AGBL1: variants seen among roughly 807,000 people sequenced by gnomAD.
AGBL1 encodes cytosolic carboxypeptidase 4.
A neutral mutation model predicts 118.9 loss-of-function variants in AGBL1; 130 were observed. That is an observed-to-expected ratio of 1.09 (90% CI 0.95 to 1.26). AGBL1 has a LOEUF of 1.26. AGBL1 is among the 50% of genes most tolerant of loss of function. The pLI is 0.00. For synonymous variants in AGBL1, 555 were observed against 478.9 expected, an observed-to-expected ratio of 1.16 and a Z score of -2.08; for missense variants, 1,584 against 1,298.1, an observed-to-expected ratio of 1.22 and a Z score of -3.38.
In AGBL1 at chr15:86,579,709, T is replaced by C. The variant is rs562712878; in HGVS notation, c.2994+25172T>C. ...GGGATCACAGCTGTCTTTTAACATGTGAATGTTGAATGGGACTTGGGGCAG... is the reference window on the plus strand; with the variant it reads ...GGGATCACAGCTGTCTTTTAACATGCGAATGTTGAATGGGACTTGGGGCAG... On this transcript the variant is annotated intron_variant, in intron 21 of 22. Transcript: ENST00000614907. Among the ~76,000 whole-genome samples, 9 of 152,226 alleles carry C rather than the reference T, an allele frequency of 5.9e-5. No homozygotes were observed. The South Asian group carries it at 1.2e-3, about 21-fold the overall frequency.
rs145274203 is a variant in AGBL1 at position 86,753,335 on chromosome 15, T to G, written c.3158+78899T>G. ...CAAGGAGCTTCATTTTCAGTAAACT[T>G]GCTTAGGGACACACAAGAGTAACCT... is the stretch of plus-strand genomic sequence containing the variant. On this transcript the variant is annotated intron_variant, in intron 22 of 22. Transcript: ENST00000614907. Among the ~76,000 whole-genome samples the G allele has an allele frequency of 6.7e-3, 1,025 of 151,964 alleles. 17 individuals carry two copies. Among genetic ancestry groups the G allele is most frequent in the African/African-American group, 0.024 (977 of 41,462 alleles).
intron 18 of AGBL1, among the ~76,000 whole-genome samples, chr15:86,449,522 CT>C (rs1207514390): frequency 6.6e-6 from 1 of 152,234 alleles, no homozygotes; most frequent in Non-Finnish European, 1.5e-5. Context: ...ACTTAACTAG[CT>C]GTGTGGATTC....
intron 18 of AGBL1, among the ~76,000 whole-genome samples, chr15:86,481,817 T>A (rs2142124619): frequency 6.6e-6 from 1 of 152,286 alleles, no homozygotes; most frequent in East Asian, 1.9e-4. Flanking sequence ...TTCACCCTTC[T>A]GAAATCCCAA....
intron 5 of AGBL1, among the ~76,000 whole-genome samples, chr15:86,178,930 C>A (rs1340592610): frequency 1.3e-5 from 2 of 152,190 alleles, no homozygotes; most frequent in Non-Finnish European, 2.9e-5. Flanking sequence ...CTCCTGGGCT[C>A]TCAATGCAAT....
chr15:86,415,787 T>A (rs1007727323), intron 18 of AGBL1, among the ~76,000 whole-genome samples: 2 of 152,176 alleles, frequency 1.3e-5, no homozygotes. Flanking sequence ...TTAGATTCCA[T>A]TCTTCTGAGA....
intron 22 of AGBL1, among the ~76,000 whole-genome samples, chr15:86,856,314 C>A (rs368024950): frequency 6.6e-6 from 1 of 152,196 alleles, no homozygotes; most frequent in African/African-American, 2.4e-5. Context: ...GTACCCATAA[C>A]AGCACAAATA....
At chr15:86,138,920 C>G (rs573332892) in intron 1 of AGBL1, among the ~76,000 whole-genome samples, 12 of 152,298 alleles carry the variant, frequency 7.9e-5, no homozygotes, top group African/African-American at 2.9e-4. Context: ...TGTGAGCCAT[C>G]TTTGGGTCCA....
intron 17 of AGBL1, among the ~76,000 whole-genome samples, chr15:86,326,900 C>T (rs2080192413): frequency 6.6e-6 from 1 of 151,848 alleles, no homozygotes; most frequent in East Asian, 1.9e-4. Flanking sequence ...TGATGTTATC[C>T]CCCATATCCT....
intron 1 of AGBL1, among the ~76,000 whole-genome samples, chr15:86,123,838 A>T (rs142315089): frequency 7.6e-4 from 116 of 152,318 alleles, no homozygotes; most frequent in African/African-American, 2.7e-3. Context: ...TATTTGGTTC[A>T]GAGTAAATCC....
chr15:86,382,775 T>C (rs2081129634), intron 17 of AGBL1, among the ~76,000 whole-genome samples: 1 of 152,126 alleles, frequency 6.6e-6, no homozygotes, highest in Non-Finnish European at 1.5e-5. Flanking sequence ...TTTTAAAATA[T>C]AATAGCTCTA....
intron 3 of AGBL1, among the ~76,000 whole-genome samples, chr15:86,153,247 A>G (rs2077140240): frequency 6.6e-6 from 1 of 152,216 alleles, no homozygotes; most frequent in Admixed American, 6.5e-5. Context: ...AAAAGCAAAG[A>G]CTTGGAACCA....
chr15:86,855,829 G>T (rs542156406), intron 22 of AGBL1, among the ~76,000 whole-genome samples: 1 of 152,316 alleles, frequency 6.6e-6, no homozygotes, highest in African/African-American at 2.4e-5. Flanking sequence ...CTTTGCCAAG[G>T]ATTCTCTCCT....
intron 5 of AGBL1, among the ~76,000 whole-genome samples, chr15:86,212,077 A>G (rs1838867585): frequency 6.6e-6 from 1 of 152,248 alleles, no homozygotes; most frequent in Non-Finnish European, 1.5e-5. Context: ...GGTTTCTAGA[A>G]GTAGTGTGGA....
chr15:86,483,001 A>G (rs1417499688), intron 18 of AGBL1, among the ~76,000 whole-genome samples: 1 of 151,968 alleles, frequency 6.6e-6, no homozygotes, highest in African/African-American at 2.4e-5. Flanking sequence ...CAGACACTTC[A>G]AGGGAGAAGA....
At chr15:86,763,486 A>G (rs1017137457) in intron 22 of AGBL1, among the ~76,000 whole-genome samples, 14 of 151,978 alleles carry the variant, frequency 9.2e-5, no homozygotes, top group African/African-American at 3.4e-4. Context: ...TGATGGGGAG[A>G]TAGATGATGG....
intron 18 of AGBL1, among the ~76,000 whole-genome samples, chr15:86,441,876 G>A (rs1168951779): frequency 6.6e-6 from 1 of 152,236 alleles, no homozygotes; most frequent in Non-Finnish European, 1.5e-5. Flanking sequence ...CCTCTCAGGT[G>A]CTGGGCTGAG....
intron 18 of AGBL1, among the ~76,000 whole-genome samples, chr15:86,404,109 G>C (rs142063199): frequency 2.6e-5 from 4 of 152,084 alleles, no homozygotes; most frequent in Non-Finnish European, 5.9e-5. Context: ...TAGAGTCTTA[G>C]CCCCATCAGC....
At chr15:86,238,313 G>A (rs1028445300) in intron 6 of AGBL1, among the ~76,000 whole-genome samples, 3 of 152,170 alleles carry the variant, frequency 2.0e-5, no homozygotes, top group Admixed American at 6.6e-5. Flanking sequence ...ATAGTGCCTG[G>A]AACAACTGGT....
At chr15:86,859,503 G>C (rs536680440) in intron 22 of AGBL1, among the ~76,000 whole-genome samples, 4 of 152,196 alleles carry the variant, frequency 2.6e-5, no homozygotes, top group Admixed American at 1.3e-4. Context: ...CTCCCATGAA[G>C]AGTACTGTCC....
Sources: gnomAD v4.1 joint callset for allele counts (sites outside exome capture counted in the v4.1 genomes callset) on GRCh38, gnomAD v4.1.1 for gene constraint, MANE v1.5 for transcripts, NCBI Gene and HGNC (gene_info 2026-07-23, HGNC 2026-07-21) for gene names.